DLG2: variants seen among roughly 807,000 people sequenced by gnomAD.
DLG2 encodes discs large MAGUK scaffold protein 2, also known as disks large homolog 2.
DLG2 carries 45 observed loss-of-function variants against 132.5 expected under a neutral mutation model. The ratio of observed to expected loss-of-function variants is 0.34; its 90% CI spans 0.27 to 0.44. DLG2 has a LOEUF of 0.44. Ranked by LOEUF, DLG2 falls within the 20% of genes least tolerant of loss-of-function variation. The pLI, the probability that DLG2 is intolerant of heterozygous loss-of-function variation, is 1.00. For synonymous variants in DLG2, 424 were observed against 419.6 expected (o/e 1.01, Z -0.13); for missense variants, 1,045 against 1,196.9 (o/e 0.87, Z 1.87).
intron 7 of DLG2, among the ~76,000 whole-genome samples, chr11:84,251,953 T>G (rs780238119): frequency 6.6e-6 from 1 of 152,040 alleles, no homozygotes; most frequent in Non-Finnish European, 1.5e-5. Flanking sequence ...CATTTCTTTA[T>G]GAAATGACTT....
chr11:84,619,356 T>G (rs536885077), intron 6 of DLG2, among the ~76,000 whole-genome samples: 1 of 151,916 alleles, frequency 6.6e-6, no homozygotes, highest in African/African-American at 2.4e-5. Context: ...TAAAATATAT[T>G]GAAATAAATG....
At chr11:84,775,988 T>C (rs556043941) in intron 6 of DLG2, among the ~76,000 whole-genome samples, 1 of 152,348 alleles carries the variant, frequency 6.6e-6, no homozygotes, top group South Asian at 2.1e-4. Context: ...TTTGTTTCAA[T>C]ATCTTATTGC....
At chr11:84,729,991 G>T (rs2062965660) in intron 6 of DLG2, among the ~76,000 whole-genome samples, 1 of 151,938 alleles carries the variant, frequency 6.6e-6, no homozygotes, top group Non-Finnish European at 1.5e-5. Context: ...TCACAATTTT[G>T]CCTTTGAGAC....
chr11:85,332,552 C>T (rs995258070), intron 3 of DLG2, among the ~76,000 whole-genome samples: 1 of 151,966 alleles, frequency 6.6e-6, no homozygotes, highest in Non-Finnish European at 1.5e-5. Flanking sequence ...CAGAATGATA[C>T]GTTTTAGATT....
chr11:84,672,926 A>G (rs1357444788), intron 6 of DLG2, among the ~76,000 whole-genome samples: 1 of 152,166 alleles, frequency 6.6e-6, no homozygotes, highest in African/African-American at 2.4e-5. Flanking sequence ...TACTCATGGC[A>G]GAAAGCAAAG....
At chr11:85,070,141 C>T (rs936054528) in intron 6 of DLG2, among the ~76,000 whole-genome samples, 45 of 151,476 alleles carry the variant, frequency 3.0e-4, no homozygotes, top group African/African-American at 8.7e-4. Context: ...CATCACACAC[C>T]GGGGCCTGTC....
intron 17 of DLG2, among the ~76,000 whole-genome samples, chr11:83,805,638 C>T (rs1451393): frequency 0.72 from 108,869 of 151,928 alleles, 40,440 homozygotes; most frequent in African/African-American, 0.92. Context: ...ATCACAACCA[C>T]TCTACTTTTC....
chr11:84,752,823 G>GT (rs2153836273), intron 6 of DLG2, among the ~76,000 whole-genome samples: 1 of 143,844 alleles, frequency 7.0e-6, no homozygotes, highest in East Asian at 2.0e-4. Flanking sequence ...GCGGTGTTTG[G>GT]TTTTTTGTTC....
intron 3 of DLG2, among the ~76,000 whole-genome samples, chr11:85,304,589 A>T (rs1459349297): frequency 6.6e-6 from 1 of 152,206 alleles, no homozygotes; most frequent in East Asian, 1.9e-4. Flanking sequence ...CTAAGTACTC[A>T]TTAGAGCATT....
At chr11:85,170,215 T>C (rs1308384403) in intron 4 of DLG2, among the ~76,000 whole-genome samples, 2 of 152,168 alleles carry the variant, frequency 1.3e-5, no homozygotes, top group Admixed American at 1.3e-4. Context: ...TATGATCTAA[T>C]GGTAATAGAC....
chr11:84,833,631 A>G (rs1360368085), intron 6 of DLG2, among the ~76,000 whole-genome samples: 1 of 151,440 alleles, frequency 6.6e-6, no homozygotes, highest in Non-Finnish European at 1.5e-5. Context: ...GATGAAAAAA[A>G]AAAGAGCAGG....
intron 6 of DLG2, among the ~76,000 whole-genome samples, chr11:85,068,701 A>T (rs2065304748): frequency 6.6e-6 from 1 of 152,184 alleles, no homozygotes; most frequent in South Asian, 2.1e-4. Flanking sequence ...AGGAAGAATC[A>T]GTACTGTGAA....
Position 84,767,208 on chromosome 11 carries a change from T to C in DLG2, c.358-232477A>G, listed in dbSNP as rs542068971. Among the ~76,000 whole-genome samples the C allele has an allele frequency of 5.9e-5, 9 of 152,218 alleles. No homozygotes were observed. In the South Asian group the frequency reaches 1.7e-3, roughly 28 times the overall value. Reference sequence around the variant, plus strand: ...TGCTCATTAGATATTAATCATTTTATATATGCAAGTTAACTGTATCTTATA... The same window carrying C: ...TGCTCATTAGATATTAATCATTTTACATATGCAAGTTAACTGTATCTTATA... On this transcript the variant is annotated intron_variant, in intron 6 of 27. Coordinates refer to ENST00000376104, the MANE Select transcript of DLG2 (RefSeq NM_001142699.3).
At chr11:85,283,669 T>C (rs1041645003) in intron 4 of DLG2, among the ~76,000 whole-genome samples, 1 of 151,854 alleles carries the variant, frequency 6.6e-6, no homozygotes, top group African/African-American at 2.4e-5. Context: ...AACTGCAATA[T>C]AAAGCATTAA....
intron 6 of DLG2, among the ~76,000 whole-genome samples, chr11:85,043,657 T>C (rs771422325): frequency 3.3e-5 from 5 of 151,738 alleles, no homozygotes; most frequent in African/African-American, 7.2e-5. Context: ...TAGAATTCCT[T>C]GCCAACAACA....
chr11:85,057,730 T>A (rs1387565821), intron 6 of DLG2, among the ~76,000 whole-genome samples: 1 of 151,458 alleles, frequency 6.6e-6, no homozygotes, highest in Admixed American at 6.6e-5. Flanking sequence ...ATCTTTCTCA[T>A]TAGCATGAAA....
chr11:84,066,222 TAAAAAAAG>T lies in DLG2; in HGVS notation c.750-6746_750-6739del, dbSNP rs951799167. Among the ~76,000 whole-genome samples, 4 of 152,146 alleles carry T rather than the reference TAAAAAAAG, an allele frequency of 2.6e-5. No homozygotes were observed. In the East Asian group the frequency reaches 5.8e-4, roughly 22 times the overall value. On this transcript the variant is annotated intron_variant, in intron 10 of 27. Coordinates refer to ENST00000376104, the MANE Select transcript of DLG2 (RefSeq NM_001142699.3). ...ACATGTACCCCCGAAACTAAAGGTTTAAAAAAAGAAAAAAATAATAAATGCATATTCAC... is the reference window on the plus strand; with the variant it reads ...ACATGTACCCCCGAAACTAAAGGTTTAAAAAAATAATAAATGCATATTCAC...
At chr11:84,768,206 C>T (rs2068715700) in intron 6 of DLG2, among the ~76,000 whole-genome samples, 1 of 152,152 alleles carries the variant, frequency 6.6e-6, no homozygotes. Flanking sequence ...GATTCTTATC[C>T]TACCCCAAGA....
intron 6 of DLG2, among the ~76,000 whole-genome samples, chr11:84,880,838 T>C (rs1319700817): frequency 1.3e-5 from 2 of 152,148 alleles, no homozygotes; most frequent in African/African-American, 4.8e-5. Context: ...AATAATTTAC[T>C]ATCTTTTGAC....
Sources: allele counts gnomAD v4.1 joint callset (sites outside exome capture counted in the v4.1 genomes callset), GRCh38; gene constraint gnomAD v4.1.1; transcripts MANE v1.5; gene names NCBI Gene and HGNC (gene_info 2026-07-23, HGNC 2026-07-21).